Variants in ANKRD30A observed in about 807,000 individuals in gnomAD.
ANKRD30A encodes the protein ankyrin repeat domain 30A, also known as ankyrin repeat domain-containing protein 30A.
Under a neutral mutation model 166.3 loss-of-function variants are expected in ANKRD30A, and 170 were observed. The observed-to-expected ratio is 1.02, with a 90% confidence interval of 0.90 to 1.16. ANKRD30A has a LOEUF of 1.16. Ranked by LOEUF, ANKRD30A falls within the 50% of genes most tolerant of loss-of-function variation. The pLI, the probability that ANKRD30A is intolerant of heterozygous loss-of-function variation, is 0.00. For missense variants in ANKRD30A, 1,630 were observed against 1,518.0 expected (o/e 1.07, Z -1.23); for synonymous variants, 564 against 508.9 (o/e 1.11, Z -1.46).
intron 7 of ANKRD30A, among the ~76,000 whole-genome samples, chr10:37,142,684 G>T (rs1471639363): frequency 6.8e-6 from 1 of 147,670 alleles, no homozygotes; most frequent in Non-Finnish European, 1.5e-5. Context: ...CGCCTCCCAG[G>T]TTCATGTGAT....
intron 13 of ANKRD30A, among the ~76,000 whole-genome samples, chr10:37,156,610 A>G (rs566574510): frequency 6.6e-6 from 1 of 152,290 alleles, no homozygotes; most frequent in South Asian, 2.1e-4. Context: ...TTTTCTTTAT[A>G]AAGGAAAATA....
the ANKRD30A span, among the ~76,000 whole-genome samples, chr10:37,242,528 G>T: frequency 6.6e-6 from 1 of 152,040 alleles, no homozygotes; most frequent in African/African-American, 2.4e-5. Context: ...TGGATTCATG[G>T]TTCATTCTGT....
chr10:37,160,859 T>C (rs1838794867), intron 15 of ANKRD30A, among the ~76,000 whole-genome samples: 1 of 152,186 alleles, frequency 6.6e-6, no homozygotes, highest in Non-Finnish European at 1.5e-5. Flanking sequence ...ATAAAGCATC[T>C]GGTTGTAACT....
At position 37,213,189 on chromosome 10, in the gene ANKRD30A, C is replaced by T. The variant is rs578043186; in HGVS notation, c.2870-2992C>T. 2.6e-4 allele frequency among the ~76,000 whole-genome samples: 39 copies of T among 151,888 alleles called. No homozygotes were observed. The South Asian group carries it at 3.1e-3, about 12-fold the overall frequency. ...AAAAAATCTGTAGTTGGGAGCTTAT[C>T]GGCAACATAAATTGAATTCTCACCA... is the stretch of plus-strand genomic sequence containing the variant. On this transcript the variant is annotated intron_variant, in intron 31 of 35. Transcript: ENST00000361713.
At chr10:37,154,464 T>C (rs1441897558) in intron 13 of ANKRD30A, among the ~76,000 whole-genome samples, 1 of 152,022 alleles carries the variant, frequency 6.6e-6, no homozygotes, top group Non-Finnish European at 1.5e-5. Context: ...AACAATTGGA[T>C]AGAAGGTCAA....
intron 13 of ANKRD30A, among the ~76,000 whole-genome samples, chr10:37,156,210 A>C (rs1838369714): frequency 6.6e-6 from 1 of 152,132 alleles, no homozygotes. Flanking sequence ...TGTATGTCCT[A>C]CTTCATGCTA....
At chr10:37,131,056 G>T (rs1836352910) in intron 3 of ANKRD30A, among the ~76,000 whole-genome samples, 1 of 152,048 alleles carries the variant, frequency 6.6e-6, no homozygotes, top group Non-Finnish European at 1.5e-5. Flanking sequence ...TTTAAACAAT[G>T]ATTTTTCTGT....
At chr10:37,152,307 T>C (rs1341084630) in intron 12 of ANKRD30A, among the ~76,000 whole-genome samples, 186 bp downstream of exon 12, 1 of 152,152 alleles carries the variant, frequency 6.6e-6, no homozygotes, top group African/African-American at 2.4e-5. Flanking sequence ...AGTGAAATTC[T>C]GGGAATTTGT....
chr10:37,146,428 T>C (rs777271996), intron 8 of ANKRD30A, among the ~76,000 whole-genome samples: 3 of 152,226 alleles, frequency 2.0e-5, no homozygotes, highest in Non-Finnish European at 4.4e-5. Context: ...ATAATTTCAG[T>C]GTTTAATGCA....
At chr10:37,247,567 A>T in the ANKRD30A span, among the ~76,000 whole-genome samples, 2 of 151,832 alleles carry the variant, frequency 1.3e-5, no homozygotes, top group East Asian at 3.9e-4. Context: ...TGGGAGGAAG[A>T]ATAGTATCAG....
At chr10:37,201,129 C>G in intron 30 of ANKRD30A, 106 bp from the exon 31 acceptor site, 2 of 898,742 alleles carry the variant, frequency 2.2e-6, no homozygotes, top group Non-Finnish European at 3.2e-6. Flanking sequence ...GAATTGCTTG[C>G]AAAATAGGAC....
the ANKRD30A span, among the ~76,000 whole-genome samples, chr10:37,253,706 T>C: frequency 6.6e-6 from 1 of 151,364 alleles, no homozygotes. Context: ...TGGAGTGCAG[T>C]AGCACATCTT....
At chr10:37,139,330 G>A (rs1335151816) in intron 6 of ANKRD30A, among the ~76,000 whole-genome samples, 2 of 152,174 alleles carry the variant, frequency 1.3e-5, no homozygotes. Flanking sequence ...TAAAGAGTCA[G>A]CAGCCACAGC....
At chr10:37,240,587 C>T in the ANKRD30A span, among the ~76,000 whole-genome samples, 2 of 152,146 alleles carry the variant, frequency 1.3e-5, no homozygotes, top group Admixed American at 1.3e-4. Context: ...TAGTACTCCA[C>T]CTCTTTGCTC....
intron 17 of ANKRD30A, 133 bp from the exon 18 acceptor site, chr10:37,164,960 TA>T (rs1839194438): frequency 1.1e-6 from 1 of 888,052 alleles, no homozygotes; most frequent in Non-Finnish European, 1.8e-6. Flanking sequence ...GTAGTCATTG[TA>T]ATCAACAAAA....
intron 34 of ANKRD30A, among the ~76,000 whole-genome samples, chr10:37,227,686 A>G (rs1458707656): frequency 6.6e-6 from 1 of 151,970 alleles, no homozygotes; most frequent in Non-Finnish European, 1.5e-5. Context: ...AAGCTTACAA[A>G]GACAAGAGTC....
At chr10:37,137,895 C>T (rs1256066907) in intron 6 of ANKRD30A, among the ~76,000 whole-genome samples, 11 of 152,140 alleles carry the variant, frequency 7.2e-5, no homozygotes, top group Admixed American at 2.0e-4. Context: ...GCACCCAGCA[C>T]GCAGCTGGAG....
At chr10:37,245,921 T>C in the ANKRD30A span, among the ~76,000 whole-genome samples, 1 of 152,198 alleles carries the variant, frequency 6.6e-6, no homozygotes, top group Non-Finnish European at 1.5e-5. Context: ...TTCTTAGCCA[T>C]GTGGATTTCC....
Position 37,193,216 on chromosome 10 carries a change from A to C in ANKRD30A, c.2572A>C (p.Thr858Pro). 2 of 1,612,008 alleles carry C rather than the reference A, an allele frequency of 1.2e-6. No individual in the cohort carries two copies. Among genetic ancestry groups the C allele is most frequent in the Non-Finnish European group, 1.7e-6 (2 of 1,179,362 alleles). Residue 858 changes from threonine (T) to proline (P), a missense_variant, in exon 27 of 36, where the codon ACT becomes CCT. Around this residue, in one of 4 missense-constraint regions of ANKRD30A, gnomAD observed 712 missense variants for 629.3 expected, o/e 1.13. Coordinates refer to ENST00000361713, the MANE Select transcript of ANKRD30A (RefSeq NM_052997.3). ...CTGCAGAATGAAAGTTTCTATTCCA[A>C]CTAAAGCCTTAGAATTGATGGACAT... The part of the protein sequence containing the change: ...APCRMKVSIP[T>P]KALELMDMQT...
Sources: allele counts gnomAD v4.1 joint callset (sites outside exome capture counted in the v4.1 genomes callset), GRCh38; gene constraint gnomAD v4.1.1; regional missense constraint gnomAD v4.1.1; transcripts MANE v1.5; gene names NCBI Gene and HGNC (gene_info 2026-07-23, HGNC 2026-07-21).